WDR59: variants seen among roughly 807,000 people sequenced by gnomAD.
WDR59 encodes the protein WD repeat domain 59.
WDR59 carries 100 observed loss-of-function variants against 131.2 expected under a neutral mutation model. The observed-to-expected ratio is 0.76, with a 90% CI of 0.65 to 0.90. The LOEUF (loss-of-function observed/expected upper bound fraction) is 0.90. WDR59 is among the 40% of genes least tolerant of loss of function. The pLI, the probability that WDR59 is intolerant of heterozygous loss-of-function variation, is 0.00. For missense variants in WDR59, 1,203 were observed against 1,262.2 expected (o/e 0.95, Z 0.71); for synonymous variants, 601 against 466.2 (o/e 1.29, Z -3.72).
chr16:74,912,174 G>C lies in WDR59; in HGVS notation c.1389+24C>G, dbSNP rs16950139. 4,393 of 1,614,130 alleles carry C rather than the reference G, an allele frequency of 2.7e-3. 96 individuals carry two copies. The African/African-American group carries it at 0.05, about 18-fold the overall frequency. ...AGACAATGATGCAGAACAGCAAGGA[G>C]AATTTGGGAACCCAGACCCCCACCT... On this transcript the variant is annotated intron_variant, in intron 14 of 25. Transcript: ENST00000262144.
intron 17 of WDR59, among the ~76,000 whole-genome samples, chr16:74,904,769 A>G (rs1965718119): frequency 6.6e-6 from 1 of 152,232 alleles, no homozygotes; most frequent in Non-Finnish European, 1.5e-5. Context: ...ACACTTAACT[A>G]TAGAAAAGTA....
intron 8 of WDR59, chr16:74,930,807 C>G (rs1273652531): frequency 7.4e-6 from 1 of 134,526 alleles, no homozygotes; most frequent in Non-Finnish European, 1.5e-5. Flanking sequence ...GCAGGAGAAT[C>G]ATTTGAATCC....
intron 2 of WDR59, among the ~76,000 whole-genome samples, chr16:74,965,381 A>T (rs908536155): frequency 1.3e-5 from 2 of 152,192 alleles, no homozygotes; most frequent in African/African-American, 4.8e-5. Flanking sequence ...AAACTGAATA[A>T]ATGTCCAGGG....
rs1397513468 is a variant in WDR59, at chr16:74,915,878, T to G, written c.1216A>C (p.Asn406His). ...SLINVQIRNV[N>H]VEMDAADRSC... ...TTGATTAAACTAAGTACCTCCACAT[T>G]GACATTCCGGATTTGCACATTGATC... Residue 406 changes from asparagine (N) to histidine (H), a missense_variant, in exon 13 of 26, where the codon AAT (asparagine) becomes CAT (histidine). Coordinates refer to ENST00000262144, the MANE Select transcript of WDR59 (RefSeq NM_030581.4). The G allele has an allele frequency of 6.2e-7, 1 of 1,614,234 alleles. No homozygotes were observed. The highest frequency in any genetic ancestry group is 2.2e-5 in the East Asian group (1 of 44,888).
intron 8 of WDR59, among the ~76,000 whole-genome samples, chr16:74,935,284 T>C (rs1458023793): frequency 2.6e-5 from 4 of 151,980 alleles, no homozygotes; most frequent in African/African-American, 7.3e-5. Flanking sequence ...ACTCTCTTTG[T>C]CTAGAAGGCA....
At chr16:74,977,595 G>A (rs2034238625) in intron 1 of WDR59, among the ~76,000 whole-genome samples, 1 of 152,166 alleles carries the variant, frequency 6.6e-6, no homozygotes, top group African/African-American at 2.4e-5. Context: ...AGCTAAGGCA[G>A]GAGAATGGCG....
intron 11 of WDR59, among the ~76,000 whole-genome samples, chr16:74,917,509 T>C (rs185509430): frequency 1.3e-5 from 2 of 152,282 alleles, no homozygotes; most frequent in Admixed American, 6.5e-5. Context: ...CCAGTAAGTA[T>C]GTATTAAATG....
intron 8 of WDR59, among the ~76,000 whole-genome samples, chr16:74,924,574 C>G (rs2030588697): frequency 6.6e-6 from 1 of 152,212 alleles, no homozygotes; most frequent in African/African-American, 2.4e-5. Flanking sequence ...CCTCCAACAT[C>G]TGAGGTGCAG....
chr16:74,966,940 ATTTC>A (rs1488231440), intron 1 of WDR59, among the ~76,000 whole-genome samples: 3 of 152,178 alleles, frequency 2.0e-5, no homozygotes, highest in Non-Finnish European at 4.4e-5. Flanking sequence ...ATTGCCCTGA[ATTTC>A]TTTGGACAAG....
Position 74,889,657 on chromosome 16 carries a change from A to C in WDR59, c.2195+46T>G, listed in dbSNP as rs1379495568. On this transcript the variant is annotated intron_variant, in intron 21 of 25. Transcript: ENST00000262144. The stretch of plus-strand genomic sequence containing the variant: ...GACATTTCAAGTGTTTACAGACCAA[A>C]AATGGACATCACTCATTTTTCTCAT... 7.8e-6 allele frequency: 12 copies of C among 1,528,790 alleles called. No individual in the cohort carries two copies. In the African/African-American group the frequency reaches 1.4e-4, roughly 17 times the overall value. 94.7% of individuals were successfully genotyped at this position (1,528,790 alleles called of 1,614,324 possible).
intron 17 of WDR59, 34 bp downstream of exon 17, chr16:74,908,874 A>G: frequency 6.2e-7 from 1 of 1,603,084 alleles, no homozygotes; most frequent in South Asian, 1.1e-5. Flanking sequence ...TGGCCCCGGG[A>G]ACGTAGAGCG....
chr16:74,889,883 C>T, intron 20 of WDR59, 68 bp from the exon 21 acceptor site: 1 of 1,220,840 alleles, frequency 8.2e-7, no homozygotes. Flanking sequence ...TGAAGCAATC[C>T]CACCTGTCTT....
chr16:74,881,683 G>C (rs1964491180), intron 25 of WDR59, among the ~76,000 whole-genome samples: 1 of 151,898 alleles, frequency 6.6e-6, no homozygotes, highest in Non-Finnish European at 1.5e-5. Context: ...GACCAGCCTG[G>C]CCAACATGGT....
intron 21 of WDR59, 85 bp from the exon 22 acceptor site, chr16:74,888,404 A>C (rs575436734): frequency 1.9e-4 from 268 of 1,396,374 alleles, no homozygotes; most frequent in Admixed American, 5.4e-4. Context: ...TGTTACTGCC[A>C]CAGGGGTGGG....
intron 25 of WDR59, among the ~76,000 whole-genome samples, chr16:74,880,590 A>G (rs1262857231): frequency 6.6e-6 from 1 of 152,226 alleles, no homozygotes; most frequent in South Asian, 2.1e-4. Context: ...CCAGCCTTGC[A>G]CAAAGTACAG....
At chr16:74,896,590 G>A (rs531675535) in intron 18 of WDR59, among the ~76,000 whole-genome samples, 15 of 151,194 alleles carry the variant, frequency 9.9e-5, no homozygotes, top group South Asian at 2.1e-4. Flanking sequence ...AGCTGAGGTC[G>A]CGCCCCTGCA....
chr16:74,984,924 G>A (rs1434969849), intron 1 of WDR59, 40 bp downstream of exon 1: 1 of 1,594,224 alleles, frequency 6.3e-7, no homozygotes, highest in Middle Eastern at 1.7e-4. Context: ...GAAGCGGGGA[G>A]GACGCATGCC....
chr16:74,896,921 C>T (rs115428891), intron 18 of WDR59, among the ~76,000 whole-genome samples: 249 of 152,304 alleles, frequency 1.6e-3, no homozygotes, highest in African/African-American at 5.7e-3. Flanking sequence ...GAGGCTTACT[C>T]TAGGTCACAG....
At chr16:74,918,180 C>T (rs1237635176) in intron 10 of WDR59, among the ~76,000 whole-genome samples, 172 bp from the exon 11 acceptor site, 1 of 152,200 alleles carries the variant, frequency 6.6e-6, no homozygotes, top group Non-Finnish European at 1.5e-5. Flanking sequence ...AAAATAATTT[C>T]TATCTTTATA....
Sources: gnomAD v4.1 joint callset for allele counts (sites outside exome capture counted in the v4.1 genomes callset) on GRCh38, gnomAD v4.1.1 for gene constraint, MANE v1.5 for transcripts, NCBI Gene and HGNC (gene_info 2026-07-23, HGNC 2026-07-21) for gene names.